RALYL: variants seen among roughly 807,000 people sequenced by gnomAD.
RALYL encodes RNA-binding Raly-like protein.
Under a neutral mutation model 35.1 loss-of-function variants are expected in RALYL, and 29 were observed. The ratio of observed to expected loss-of-function variants is 0.83; its 90% CI spans 0.61 to 1.13. The LOEUF is 1.13. RALYL is among the 50% of genes most tolerant of loss of function. The pLI is 0.00. For synonymous variants in RALYL, 120 were observed against 127.6 expected (o/e 0.94, Z 0.40); for missense variants, 359 against 360.4 (o/e 1.00, Z 0.03).
chr8:84,246,166 G>C (rs943823348), intron 1 of RALYL, among the ~76,000 whole-genome samples: 8 of 151,998 alleles, frequency 5.3e-5, no homozygotes, highest in Non-Finnish European at 1.0e-4. Flanking sequence ...AAGACAGATG[G>C]AGCTGACTTA....
chr8:84,870,587 A>G (rs1052776741), intron 6 of RALYL, among the ~76,000 whole-genome samples: 1 of 151,632 alleles, frequency 6.6e-6, no homozygotes, highest in African/African-American at 2.4e-5. Context: ...GTATATATAT[A>G]TATATATATA....
At chr8:84,735,811 C>A (rs28533486) in intron 2 of RALYL, among the ~76,000 whole-genome samples, 6,754 of 111,284 alleles carry the variant, frequency 0.061, 370 homozygotes, top group African/African-American at 0.14. Flanking sequence ...ATCCAAACCG[C>A]GAGAGAGAGA....
At chr8:84,551,803 T>C (rs762802838) in intron 2 of RALYL, among the ~76,000 whole-genome samples, 2 of 152,124 alleles carry the variant, frequency 1.3e-5, no homozygotes, top group African/African-American at 4.8e-5. Context: ...TAAATATTCA[T>C]TGAAATAAAG....
chr8:84,431,438 C>A (rs534513775), intron 1 of RALYL, among the ~76,000 whole-genome samples: 2 of 151,984 alleles, frequency 1.3e-5, no homozygotes, highest in Non-Finnish European at 2.9e-5. Flanking sequence ...GAAACTACAG[C>A]GAGTTATCAC....
intron 1 of RALYL, among the ~76,000 whole-genome samples, chr8:84,385,520 G>C (rs567846198): frequency 6.6e-6 from 1 of 151,934 alleles, no homozygotes; most frequent in South Asian, 2.1e-4. Flanking sequence ...TCAGTGGTTA[G>C]TTCTGAAGGG....
chr8:84,829,580 G>A (rs1830440852), intron 4 of RALYL: 1 of 152,014 alleles, frequency 6.6e-6, no homozygotes, highest in African/African-American at 2.4e-5. Context: ...CCTCCTCAGT[G>A]CCTTTAAAAT....
At chr8:84,554,091 T>G (rs2060933666) in intron 2 of RALYL, among the ~76,000 whole-genome samples, 1 of 152,218 alleles carries the variant, frequency 6.6e-6, no homozygotes, top group Non-Finnish European at 1.5e-5. Flanking sequence ...CTTAATAGGT[T>G]TCTTTTAGAA....
At chr8:84,483,182 A>C (rs1289179173) in intron 1 of RALYL, among the ~76,000 whole-genome samples, 2 of 152,120 alleles carry the variant, frequency 1.3e-5, no homozygotes, top group Admixed American at 6.6e-5. Context: ...TGCAAATTGC[A>C]GTGTTACCTC....
At chr8:84,840,536 A>G (rs1833026225) in intron 4 of RALYL, among the ~76,000 whole-genome samples, 1 of 152,218 alleles carries the variant, frequency 6.6e-6, no homozygotes. Context: ...AAGTTGGAAA[A>G]CACTCTGCAG....
chr8:84,536,051 A>C (rs1226441610), intron 2 of RALYL, among the ~76,000 whole-genome samples: 2 of 152,166 alleles, frequency 1.3e-5, no homozygotes, highest in African/African-American at 4.8e-5. Flanking sequence ...CAGGAAATAA[A>C]ACTCAGTAAG....
chr8:84,843,765 C>A (rs1468609205), intron 4 of RALYL, among the ~76,000 whole-genome samples: 1 of 152,172 alleles, frequency 6.6e-6, no homozygotes. Flanking sequence ...GGTACCAAAA[C>A]AGTGATATAG....
chr8:84,437,655 T>C (rs1307973220), intron 1 of RALYL, among the ~76,000 whole-genome samples: 1 of 152,136 alleles, frequency 6.6e-6, no homozygotes, highest in African/African-American at 2.4e-5. Flanking sequence ...TGTTGAATTG[T>C]AATTCCTAGT....
At chr8:84,908,431 T>C (rs956923708) in intron 8 of RALYL, among the ~76,000 whole-genome samples, 7 of 152,116 alleles carry the variant, frequency 4.6e-5, no homozygotes, top group Middle Eastern at 3.2e-3. Flanking sequence ...AGATTCCACA[T>C]AGAAGTGAGA....
intron 4 of RALYL, among the ~76,000 whole-genome samples, chr8:84,842,746 G>A (rs567511997): frequency 1.5e-4 from 23 of 152,086 alleles, no homozygotes; most frequent in South Asian, 4.2e-4. Context: ...CGAATCCAGC[G>A]GCACATCAAA....
rs187745170 is a variant in RALYL at position 84,331,232 on chromosome 8, A to C, written c.-24+146808A>C. 2.9e-3 allele frequency among the ~76,000 whole-genome samples: 439 copies of C among 152,154 alleles called. 4 individuals are homozygous for C. The highest frequency in any genetic ancestry group is 9.1e-3 in the African/African-American group (380 of 41,554). On this transcript the variant is annotated intron_variant, in intron 1 of 8. Transcript: ENST00000521268. ...CCTATTAGAGTAGTTAGCCACCATA[A>C]TATTGATCTTTGCACTTTTAGAGTT...
At chr8:84,308,729 A>C (rs549204960) in intron 1 of RALYL, among the ~76,000 whole-genome samples, 5 of 152,326 alleles carry the variant, frequency 3.3e-5, no homozygotes, top group African/African-American at 1.2e-4. Flanking sequence ...ATTAAAATGT[A>C]CTGTCAGAAC....
At chr8:84,349,205 G>A (rs554889519) in intron 1 of RALYL, among the ~76,000 whole-genome samples, 1 of 150,292 alleles carries the variant, frequency 6.7e-6, no homozygotes, top group East Asian at 1.9e-4. Flanking sequence ...CAGTTTATTT[G>A]GCTAGGATTC....
intron 1 of RALYL, among the ~76,000 whole-genome samples, chr8:84,323,646 A>C (rs569046916): frequency 6.6e-6 from 1 of 152,090 alleles, no homozygotes; most frequent in East Asian, 1.9e-4. Context: ...AGGTAAAGGC[A>C]CTTGAAATGT....
At chr8:84,634,640 G>A (rs1476884463) in intron 2 of RALYL, among the ~76,000 whole-genome samples, 1 of 151,542 alleles carries the variant, frequency 6.6e-6, no homozygotes, top group Non-Finnish European at 1.5e-5. Flanking sequence ...TTATTAATAA[G>A]GGCTAAGAAG....
Sources: allele counts gnomAD v4.1 joint callset (sites outside exome capture counted in the v4.1 genomes callset), GRCh38; gene constraint gnomAD v4.1.1; transcripts MANE v1.5; gene names NCBI Gene and HGNC (gene_info 2026-07-23, HGNC 2026-07-21).